The following PWWP3A variants were observed in gnomAD, a reference collection of about 807,000 sequenced individuals.
PWWP3A encodes PWWP domain-containing DNA repair factor 3A.
A neutral mutation model predicts 79.0 loss-of-function variants in PWWP3A; 53 were observed. The observed-to-expected ratio is 0.67, with a 90% CI of 0.54 to 0.84. The LOEUF is 0.84. Among genes scored for constraint, PWWP3A ranks in the 40% least tolerant of loss-of-function variants. The pLI, the probability that PWWP3A is intolerant of heterozygous loss-of-function variation, is 0.00. For synonymous variants in PWWP3A, 443 were observed against 394.4 expected (o/e 1.12, Z -1.46); for missense variants, 973 against 948.0 (o/e 1.03, Z -0.35).
Position 1,364,556 on chromosome 19 carries a change from A to G in PWWP3A, c.1261A>G (p.Lys421Glu), listed in dbSNP as rs2082089670. 1 of 1,609,192 alleles carries G rather than the reference A, an allele frequency of 6.2e-7. No homozygotes were observed. Among genetic ancestry groups the G allele is most frequent in the East Asian group, 2.2e-5 (1 of 44,850 alleles). ...VGMLVWHKHK[K>E]YPFWPAVVKS... ...AATGCTAGTCTGGCATAAACATAAA[A>G]AATACCCCTTCTGGCCAGCAGTGGT... The change falls in exon 7 of 14, where the codon AAA (lysine) becomes GAA (glutamate). Residue 421 changes from lysine to glutamate, a missense_variant. Transcript: ENST00000591337.
At chr19:1,367,094 G>C (rs539764955) in intron 8 of PWWP3A, 66 bp from the exon 9 acceptor site, 1 of 1,337,606 alleles carries the variant, frequency 7.5e-7, no homozygotes, top group African/African-American at 1.5e-5. Context: ...ATCAGAGACA[G>C]GGAAAGGTTT....
chr19:1,369,458 G>T lies in PWWP3A; in HGVS notation c.1498+118G>T, dbSNP rs533865380. 6.8e-7 allele frequency: 1 copy of T among 1,478,124 alleles called. No homozygotes were observed. Among genetic ancestry groups the T allele is most frequent in the African/African-American group, 1.4e-5 (1 of 72,068 alleles). 91.6% of individuals were successfully genotyped at this position (1,478,124 alleles called of 1,614,324 possible). A position where few individuals can be genotyped will look rare whatever the true frequency, so the allele number is the denominator to read the frequency against. ...CGGGGCATATTTCCGTGGGCCTGGGGCATTCCCTGTGGGTGGGCTGGGGTT... is the reference window on the plus strand; with the variant it reads ...CGGGGCATATTTCCGTGGGCCTGGGTCATTCCCTGTGGGTGGGCTGGGGTT... On this transcript the variant is annotated intron_variant, in intron 10 of 13. Coordinates refer to ENST00000591337, the MANE Select transcript of PWWP3A (RefSeq NM_001369789.1). This position sits in a 1 kb window ranked among gnomAD's most constrained non-coding sequence, Gnocchi z 4.0.
At chr19:1,375,896 C>T (rs1396936432) in intron 13 of PWWP3A, among the ~76,000 whole-genome samples, 7 of 148,560 alleles carry the variant, frequency 4.7e-5, no homozygotes, top group African/African-American at 1.0e-4. Flanking sequence ...ACCCCCCCAC[C>T]GTGCCTTGGT....
In PWWP3A at chr19:1,362,418, C is replaced by G. The variant is rs899952400; in HGVS notation, c.1213+67C>G. The G allele has an allele frequency of 2.4e-6, 3 of 1,241,658 alleles. No homozygotes were observed. In the African/African-American group the frequency reaches 4.5e-5, roughly 19 times the overall value. 76.9% of individuals were successfully genotyped at this position (1,241,658 alleles called of 1,614,324 possible). A position where few individuals can be genotyped will look rare whatever the true frequency, so the allele number is the denominator to read the frequency against. ...CTCAGAGGCAGCGGCGGCGGGGCTC[C>G]GAGACCGGGCCCCACATTCTCCATG... is the stretch of plus-strand genomic sequence containing the variant. On this transcript the variant is annotated intron_variant, in intron 6 of 13. Transcript: ENST00000591337.
chr19:1,365,615 C>T (rs1052359000), intron 7 of PWWP3A, among the ~76,000 whole-genome samples: 4 of 152,352 alleles, frequency 2.6e-5, no homozygotes, highest in South Asian at 4.1e-4. Context: ...GCCTACTGGC[C>T]GGCGGAGATG....
In PWWP3A at chr19:1,364,532, A is replaced by T; in HGVS notation, c.1237A>T (p.Met413Leu). The T allele has an allele frequency of 2.5e-6, 4 of 1,606,398 alleles. No homozygotes were observed. The highest frequency in any genetic ancestry group is 3.4e-6 in the Non-Finnish European group (4 of 1,177,940). The change falls in exon 7 of 14, where the codon ATG (methionine) becomes TTG (leucine). Residue 413 changes from methionine to leucine, a missense_variant. Coordinates refer to ENST00000591337, the MANE Select transcript of PWWP3A (RefSeq NM_001369789.1). ...AGAACCACGTTCGTTTGAAGTAGGAATGCTAGTCTGGCATAAACATAAAAA... is the reference window on the plus strand; with the variant it reads ...AGAACCACGTTCGTTTGAAGTAGGATTGCTAGTCTGGCATAAACATAAAAA... ...YHEPRSFEVG[M>L]LVWHKHKKYP...
chr19:1,356,387 T>G lies in PWWP3A; in HGVS notation c.-6T>G, dbSNP rs750463499. The stretch of plus-strand genomic sequence containing the variant: ...ATCATTGCCACTTGCCACATGAGTG[T>G]AAATGATGGCGGATGCCAAGTATGT... On this transcript the variant is annotated 5_prime_UTR_variant, in exon 2 of 14. Coordinates refer to ENST00000591337, the MANE Select transcript of PWWP3A (RefSeq NM_001369789.1). The G allele has an allele frequency of 6.2e-7, 1 of 1,614,158 alleles. No homozygotes were observed. The highest frequency in any genetic ancestry group is 1.7e-5 in the Admixed American group (1 of 60,022).
At position 1,375,801 on chromosome 19, in the gene PWWP3A, TA is replaced by T. The variant is rs1340646064; in HGVS notation, c.2076-717del. Among the ~76,000 whole-genome samples, 15 of 82,850 alleles carry T rather than the reference TA, an allele frequency of 1.8e-4. No homozygotes were observed. The East Asian group carries it at 2.6e-3, about 14-fold the overall frequency. The allele number at this position is 82,850 out of a possible 152,430, so 54.4% of individuals were successfully genotyped here. ...GTAGACATACACACACACACATATG[TA>T]TTTATTTATTTTTTTTTTTTTGAGA... On this transcript the variant is annotated intron_variant, in intron 13 of 13. Coordinates refer to ENST00000591337, the MANE Select transcript of PWWP3A (RefSeq NM_001369789.1).
chr19:1,369,609 T>C lies in PWWP3A; in HGVS notation c.1512T>C (p.Phe504=). ...CACCCCCTGCAGGCTGCGGGTCTTTTGCTGGCTCTTTCCTGGAATATTACG... is the reference window on the plus strand; with the variant it reads ...CACCCCCTGCAGGCTGCGGGTCTTTCGCTGGCTCTTTCCTGGAATATTACG... ...DYRVRLGCGS[F]AGSFLEYYAA... is the part of the protein sequence containing the mutation. Residue 504 remains phenylalanine (F), a synonymous_variant, in exon 11 of 14, where the codon TTT becomes TTC. Transcript: ENST00000591337. This position sits in a 1 kb window ranked among gnomAD's most constrained non-coding sequence, Gnocchi z 4.0. 1 of 1,614,222 alleles carries C rather than the reference T, an allele frequency of 6.2e-7. No homozygotes were observed. Among genetic ancestry groups the C allele is most frequent in the South Asian group, 1.1e-5 (1 of 91,092 alleles).
intron 12 of PWWP3A, chr19:1,371,330 C>T (rs1161538462): frequency 2.8e-6 from 2 of 707,146 alleles, no homozygotes; most frequent in Admixed American, 4.0e-5. Flanking sequence ...AAGCTGTCAG[C>T]ACCAGGGGGT....
chr19:1,356,749 C>A (rs942722229), intron 2 of PWWP3A, among the ~76,000 whole-genome samples: 1 of 151,664 alleles, frequency 6.6e-6, no homozygotes, highest in Non-Finnish European at 1.5e-5. Flanking sequence ...AAATTATGGT[C>A]GTGTTCAGGG....
At chr19:1,376,116 C>CA (rs1485783997) in intron 13 of PWWP3A, among the ~76,000 whole-genome samples, 1 of 135,144 alleles carries the variant, frequency 7.4e-6, no homozygotes, top group Admixed American at 7.6e-5. Flanking sequence ...GACTCTCTGT[C>CA]ATACTCTTTT....
intron 13 of PWWP3A, chr19:1,373,728 G>T (rs2082309108): frequency 6.5e-6 from 1 of 153,382 alleles, no homozygotes; most frequent in African/African-American, 2.4e-5. Context: ...CAAGGACAGG[G>T]TCTCCGGCCA....
At chr19:1,357,302 C>T (rs1187498479) in intron 3 of PWWP3A, 2 of 503,496 alleles carry the variant, frequency 4.0e-6, no homozygotes, top group East Asian at 6.7e-5. Flanking sequence ...CCAAACGAGG[C>T]ATTCTGTGAG....
At chr19:1,364,719 T>C in intron 7 of PWWP3A, 140 bp downstream of exon 7, 2 of 774,278 alleles carry the variant, frequency 2.6e-6, no homozygotes, top group South Asian at 4.0e-5. Context: ...AGTTGGTGGG[T>C]TTTTAGAAAA....
chr19:1,369,706 A>G lies in PWWP3A; in HGVS notation c.1549+60A>G, dbSNP rs368391751. On this transcript the variant is annotated intron_variant, in intron 11 of 13. Coordinates refer to ENST00000591337, the MANE Select transcript of PWWP3A (RefSeq NM_001369789.1). The surrounding 1 kb of genome is among the most constrained non-coding windows in gnomAD (Gnocchi z 4.0). ...TGCCTTTTAGCCCTTTAGAAAAACA[A>G]TCTTCTATGTCTGAAGCTGTGGAAG... The G allele has an allele frequency of 1.5e-5, 24 of 1,565,816 alleles. No individual in the cohort carries two copies. Among genetic ancestry groups the G allele is most frequent in the South Asian group, 5.5e-5 (5 of 90,156 alleles).
chr19:1,361,157 T>G, intron 5 of PWWP3A, 125 bp downstream of exon 5: 1 of 943,916 alleles, frequency 1.1e-6, no homozygotes, highest in Non-Finnish European at 1.4e-6. Context: ...CAAAATAGAC[T>G]TAGAGCAGAG....
In PWWP3A at chr19:1,368,768, T is replaced by C. The variant is rs1776525789; in HGVS notation, c.1423-497T>C. On this transcript the variant is annotated intron_variant, in intron 9 of 13. Coordinates refer to ENST00000591337, the MANE Select transcript of PWWP3A (RefSeq NM_001369789.1). This position sits in a 1 kb window ranked among gnomAD's most constrained non-coding sequence, Gnocchi z 4.7. ...TGTTAGAGCAGCTTATTTCCAGGAC[T>C]TGATGTCCTGTCATGTGGCACAGTG... Among the ~76,000 whole-genome samples, 1 of 152,238 alleles carries C rather than the reference T, an allele frequency of 6.6e-6. No individual in the cohort carries two copies. The highest frequency in any genetic ancestry group is 6.5e-5 in the Admixed American group (1 of 15,286).
intron 6 of PWWP3A, 152 bp downstream of exon 6, chr19:1,362,503 G>T (rs1421807058): frequency 4.8e-6 from 3 of 623,172 alleles, no homozygotes; most frequent in Non-Finnish European, 8.5e-6. Context: ...GGGACCTTCA[G>T]AAGTGTCACG....
Sources: gnomAD v4.1 joint callset for allele counts (sites outside exome capture counted in the v4.1 genomes callset) on GRCh38, gnomAD v4.1.1 for gene constraint, Gnocchi (gnomAD v3.1) non-coding constraint, MANE v1.5 for transcripts, NCBI Gene and HGNC (gene_info 2026-07-23, HGNC 2026-07-21) for gene names.